The following COL14A1 variants were observed in gnomAD, a reference collection of about 807,000 sequenced individuals.
COL14A1 encodes the protein collagen type XIV alpha 1 chain.
A neutral mutation model predicts 230.3 loss-of-function variants in COL14A1; 136 were observed. That is an observed-to-expected ratio of 0.59 (90% CI 0.51 to 0.68). The LOEUF (loss-of-function observed/expected upper bound fraction) is 0.68, where lower values mean the gene tolerates loss of function less well. COL14A1 is among the 30% of genes least tolerant of loss of function. The probability of loss-of-function intolerance (pLI) is 0.00; values close to 1 mark genes in which losing one functional copy is unlikely to be tolerated. For missense variants in COL14A1, 1,976 were observed against 2,215.8 expected (o/e 0.89, Z 2.17); for synonymous variants, 792 against 784.1 (o/e 1.01, Z -0.17).
intron 24 of COL14A1, among the ~76,000 whole-genome samples, chr8:120,264,224 T>TA (rs147684320): frequency 0.021 from 3,160 of 152,312 alleles, 115 homozygotes; most frequent in African/African-American, 0.071. Context: ...TGTAGTCTTT[T>TA]ACATCTGGCA....
At chr8:120,309,837 G>A (rs1428160730) in intron 36 of COL14A1, among the ~76,000 whole-genome samples, 172 bp from the exon 37 acceptor site, 1 of 152,160 alleles carries the variant, frequency 6.6e-6, no homozygotes, top group Non-Finnish European at 1.5e-5. Flanking sequence ...CTGCAGCGCT[G>A]GGGCTGGGTG....
At position 120,279,943 on chromosome 8, in the gene COL14A1, A is replaced by G; in HGVS notation, c.3490A>G (p.Ile1164Val). ...TTCTCTGTCTGCCACAGGCTATAGC[A>G]TTTTTGCAATTGGTGTGGCCGATGC... Reference protein sequence around the residue: ...SREMQLDGYSIFAIGVADADY... With the variant: ...SREMQLDGYSVFAIGVADADY... Residue 1164 changes from isoleucine (I) to valine (V), a missense_variant, in exon 29 of 48, where the codon ATT becomes GTT. Coordinates refer to ENST00000297848, the MANE Select transcript of COL14A1 (RefSeq NM_021110.4). 6.2e-7 allele frequency: 1 copy of G among 1,613,462 alleles called. No individual in the cohort carries two copies. Among genetic ancestry groups the G allele is most frequent in the Non-Finnish European group, 8.5e-7 (1 of 1,179,724 alleles).
Position 120,283,760 on chromosome 8 carries a change from G to T in COL14A1, c.3949G>T (p.Val1317Phe), listed in dbSNP as rs377563192. The change falls in exon 32 of 48, where the codon GTT (valine) becomes TTT (phenylalanine). Residue 1317 changes from valine to phenylalanine, a missense_variant. Around this residue, in one of 3 missense-constraint regions of COL14A1, gnomAD observed 1,791 missense variants for 2,019.5 expected, o/e 0.89. Transcript: ENST00000297848. ...TTTAAATAAAAATTCTGACCCATTG[G>T]TTGGGGTTATTTTAGACAGTAAGTA... Reference protein sequence around the residue: ...EILNKNSDPLVGVILDNGGKT... With the variant: ...EILNKNSDPLFGVILDNGGKT... The T allele has an allele frequency of 4.3e-6, 7 of 1,611,696 alleles. No individual in the cohort carries two copies. The African/African-American group carries it at 9.4e-5, about 22-fold the overall frequency.
rs1360881433 is a variant in COL14A1, at chr8:120,199,387, C to T, written c.713-15C>T. ...TAGAGATAGCTGGTGTTTACTTTTC[C>T]TTGTTTTCTCCAAGGTCTTGCTTTG... On this transcript the variant is annotated splice_polypyrimidine_tract_variant and intron_variant, in intron 7 of 47. Transcript: ENST00000297848. The T allele has an allele frequency of 6.4e-7, 1 of 1,554,896 alleles. No individual in the cohort carries two copies. The highest frequency in any genetic ancestry group is 8.6e-7 in the Non-Finnish European group (1 of 1,157,852).
intron 23 of COL14A1, 30 bp downstream of exon 23, chr8:120,255,386 T>G (rs746317236): frequency 2.0e-6 from 3 of 1,502,184 alleles, no homozygotes; most frequent in South Asian, 2.3e-5. Context: ...TACGTTTTTG[T>G]CAAGCATTTG....
chr8:120,371,011 C>A (rs1344538386), intron 47 of COL14A1, 141 bp from the exon 48 acceptor site: 3 of 1,037,306 alleles, frequency 2.9e-6, no homozygotes, highest in African/African-American at 3.2e-5. Flanking sequence ...GGGGAAGGTA[C>A]AAGGGGCGTG....
At chr8:120,224,022 C>CTTTTTTTT (rs1563681445) in intron 14 of COL14A1, among the ~76,000 whole-genome samples, 3 of 48,562 alleles carry the variant, frequency 6.2e-5, no homozygotes, top group African/African-American at 1.5e-4. Context: ...GCCCTCATCT[C>CTTTTTTTT]CTTTTTTTTT....
chr8:120,321,369 G>A (rs568987447), intron 40 of COL14A1, among the ~76,000 whole-genome samples: 1 of 152,194 alleles, frequency 6.6e-6, no homozygotes, highest in Non-Finnish European at 1.5e-5. Flanking sequence ...GGCCAGGCAC[G>A]GTGGCTCACG....
At chr8:120,303,306 G>T (rs533832663) in intron 36 of COL14A1, among the ~76,000 whole-genome samples, 10 of 152,236 alleles carry the variant, frequency 6.6e-5, no homozygotes, top group Admixed American at 3.9e-4. Flanking sequence ...GAACATCCTT[G>T]TCTTGTGCTG....
intron 12 of COL14A1, among the ~76,000 whole-genome samples, chr8:120,210,374 CAAAGGGTAGGCA>C (rs1817583815): frequency 6.6e-6 from 1 of 152,040 alleles, no homozygotes; most frequent in Non-Finnish European, 1.5e-5. Flanking sequence ...GTTTATTTTT[CAAAGGGTAGGCA>C]AATTATTAAG....
At chr8:120,206,891 A>G (rs887518029) in intron 9 of COL14A1, 52 bp from the exon 10 acceptor site, 10 of 1,518,056 alleles carry the variant, frequency 6.6e-6, no homozygotes, top group Non-Finnish European at 8.9e-6. Flanking sequence ...TCTTAGCTTC[A>G]TAAGAAATAA....
At chr8:120,323,667 A>T (rs1821547412) in intron 40 of COL14A1, among the ~76,000 whole-genome samples, 1 of 152,150 alleles carries the variant, frequency 6.6e-6, no homozygotes, top group African/African-American at 2.4e-5. Flanking sequence ...CATTTATTGA[A>T]TAGGGAGTCA....
intron 19 of COL14A1, among the ~76,000 whole-genome samples, chr8:120,238,414 A>G (rs985263320): frequency 2.0e-5 from 3 of 152,034 alleles, no homozygotes; most frequent in Admixed American, 6.6e-5. Context: ...CTGTGAGGGG[A>G]AAACTGTCTA....
intron 5 of COL14A1, among the ~76,000 whole-genome samples, chr8:120,188,358 A>G (rs780378448): frequency 2.0e-5 from 3 of 152,214 alleles, no homozygotes; most frequent in Admixed American, 2.0e-4. Context: ...CTGGGATTAC[A>G]GGCATGAGCC....
chr8:120,365,053 G>A (rs995586608), intron 45 of COL14A1, among the ~76,000 whole-genome samples: 3 of 151,270 alleles, frequency 2.0e-5, no homozygotes, highest in South Asian at 2.1e-4. Context: ...TTCTTACCTC[G>A]ACATATGTTA....
intron 13 of COL14A1, among the ~76,000 whole-genome samples, chr8:120,215,607 G>A (rs770560391): frequency 9.9e-5 from 15 of 152,102 alleles, no homozygotes; most frequent in Non-Finnish European, 1.9e-4. Flanking sequence ...GGGGGAAGAT[G>A]GAAGTTGGGA....
At chr8:120,157,712 G>A (rs1042868050) in intron 2 of COL14A1, among the ~76,000 whole-genome samples, 12 of 152,084 alleles carry the variant, frequency 7.9e-5, no homozygotes, top group African/African-American at 1.2e-4. Context: ...ATGGCCAGGC[G>A]TGGTGGCTTA....
Position 120,280,907 on chromosome 8 carries a change from T to C in COL14A1, c.3686-14T>C, listed in dbSNP as rs1357066716. ...CTTATGTTTATTCTTTTTCTACTTT[T>C]TTTTTTTTTTTAGGATTTAAGATGA... is the stretch of plus-strand genomic sequence containing the variant. On this transcript the variant is annotated splice_polypyrimidine_tract_variant and intron_variant, in intron 30 of 47. Coordinates refer to ENST00000297848, the MANE Select transcript of COL14A1 (RefSeq NM_021110.4). 8 of 1,442,918 alleles carry C rather than the reference T, an allele frequency of 5.5e-6. No homozygotes were observed. Among genetic ancestry groups the C allele is most frequent in the Non-Finnish European group, 5.6e-6 (6 of 1,078,736 alleles). The allele number at this position is 1,442,918 out of a possible 1,614,324, so 89.4% of individuals were successfully genotyped here.
At chr8:120,209,105 T>C (rs1266399759) in intron 11 of COL14A1, among the ~76,000 whole-genome samples, 4 of 152,224 alleles carry the variant, frequency 2.6e-5, no homozygotes, top group African/African-American at 9.6e-5. Flanking sequence ...ATCTGTCGGA[T>C]GAGTGTTAAT....
Sources: allele counts gnomAD v4.1 joint callset (sites outside exome capture counted in the v4.1 genomes callset), GRCh38; gene constraint gnomAD v4.1.1; regional missense constraint gnomAD v4.1.1; transcripts MANE v1.5; gene names NCBI Gene and HGNC (gene_info 2026-07-23, HGNC 2026-07-21).